Variants in DLG2 observed in about 807,000 individuals in gnomAD.
DLG2 encodes discs large MAGUK scaffold protein 2, also known as disks large homolog 2.
Under a neutral mutation model 132.5 loss-of-function variants are expected in DLG2, and 45 were observed. The observed-to-expected ratio is 0.34, with a 90% CI of 0.27 to 0.44. The LOEUF (loss-of-function observed/expected upper bound fraction) is 0.44, where lower values mean the gene tolerates loss of function less well. Among genes scored for constraint, DLG2 ranks in the 20% least tolerant of loss-of-function variants. The pLI, the probability that DLG2 is intolerant of heterozygous loss-of-function variation, is 1.00. For synonymous variants in DLG2, 424 were observed against 419.6 expected, an observed-to-expected ratio of 1.01 and a Z score of -0.13; for missense variants, 1,045 against 1,196.9, an observed-to-expected ratio of 0.87 and a Z score of 1.87.
At chr11:83,589,345 T>C (rs1276200927) in intron 19 of DLG2, among the ~76,000 whole-genome samples, 2 of 144,898 alleles carry the variant, frequency 1.4e-5, no homozygotes, top group Non-Finnish European at 3.1e-5. Flanking sequence ...TCAACATTCT[T>C]AAAGAAAAGA....
At chr11:83,524,690 T>C (rs1273161703) in intron 21 of DLG2, among the ~76,000 whole-genome samples, 2 of 152,214 alleles carry the variant, frequency 1.3e-5, no homozygotes, top group Non-Finnish European at 2.9e-5. Context: ...TTCTCTGCGT[T>C]ATCTCTGGAC....
intron 6 of DLG2, among the ~76,000 whole-genome samples, chr11:84,943,630 CTT>C (rs2049790509): frequency 6.6e-6 from 1 of 152,152 alleles, no homozygotes; most frequent in African/African-American, 2.4e-5. Flanking sequence ...AAACTCAACA[CTT>C]TAACTTCATC....
intron 7 of DLG2, among the ~76,000 whole-genome samples, chr11:84,310,648 T>G (rs1219122087): frequency 6.6e-6 from 1 of 152,192 alleles, no homozygotes. Context: ...ACTTGCTCTC[T>G]TCTGTTTCCC....
At chr11:85,410,675 C>A (rs577632918) in intron 3 of DLG2, among the ~76,000 whole-genome samples, 1 of 151,712 alleles carries the variant, frequency 6.6e-6, no homozygotes, top group African/African-American at 2.4e-5. Context: ...CTTTGCTAAA[C>A]GCTGAAAATG....
intron 3 of DLG2, among the ~76,000 whole-genome samples, chr11:85,436,442 G>A (rs574982665): frequency 7.9e-5 from 12 of 151,822 alleles, no homozygotes; most frequent in Non-Finnish European, 1.5e-4. Flanking sequence ...GAATGTACAA[G>A]GAACTTAAAC....
intron 7 of DLG2, among the ~76,000 whole-genome samples, chr11:84,391,702 A>C (rs1171110013): frequency 6.6e-6 from 1 of 152,102 alleles, no homozygotes; most frequent in African/African-American, 2.4e-5. Context: ...TTCTTAATGG[A>C]AAGCAAACAA....
At position 84,660,742 on chromosome 11, in the gene DLG2, A is replaced by T. The variant is rs535732348; in HGVS notation, c.358-126011T>A. Among the ~76,000 whole-genome samples, 18 of 152,314 alleles carry T rather than the reference A, an allele frequency of 1.2e-4. No homozygotes were observed. In the South Asian group the frequency reaches 2.9e-3, roughly 25 times the overall value. The stretch of plus-strand genomic sequence containing the variant: ...TCAGCAGTGTTGAATATGAAGAGAT[A>T]TATAAATATACACATTGACCCAAGC... On this transcript the variant is annotated intron_variant, in intron 6 of 27. Coordinates refer to ENST00000376104, the MANE Select transcript of DLG2 (RefSeq NM_001142699.3).
intron 7 of DLG2, among the ~76,000 whole-genome samples, chr11:84,271,401 C>G (rs1203589632): frequency 6.6e-6 from 1 of 152,178 alleles, no homozygotes; most frequent in African/African-American, 2.4e-5. Flanking sequence ...CCAAGGTTAA[C>G]TGGACACATA....
intron 19 of DLG2, among the ~76,000 whole-genome samples, chr11:83,603,681 G>A (rs1476246347): frequency 1.3e-5 from 2 of 152,142 alleles, no homozygotes; most frequent in African/African-American, 4.8e-5. Context: ...TATCAGTTTA[G>A]TAAATGTGAG....
At chr11:83,618,608 C>T (rs1471694939) in intron 19 of DLG2, among the ~76,000 whole-genome samples, 2 of 152,126 alleles carry the variant, frequency 1.3e-5, no homozygotes, top group Admixed American at 6.5e-5. Flanking sequence ...AGTGGCCAAG[C>T]CAGGATTTAA....
At chr11:85,479,794 G>A (rs1241494430) in intron 3 of DLG2, among the ~76,000 whole-genome samples, 1 of 152,190 alleles carries the variant, frequency 6.6e-6, no homozygotes, top group African/African-American at 2.4e-5. Flanking sequence ...CCTGAGAGTT[G>A]TGAGGAAAGG....
chr11:84,112,758 A>T (rs1366408076), intron 9 of DLG2, among the ~76,000 whole-genome samples: 1 of 152,138 alleles, frequency 6.6e-6, no homozygotes, highest in African/African-American at 2.4e-5. Context: ...GGCAAGAGGG[A>T]TGGGAATGGA....
At chr11:85,220,637 A>ATAT (rs1554992641) in intron 4 of DLG2, among the ~76,000 whole-genome samples, 6 of 148,262 alleles carry the variant, frequency 4.0e-5, no homozygotes, top group African/African-American at 1.5e-4. Context: ...TAGAAAAAAA[A>ATAT]ATATATATAT....
At chr11:84,502,234 CCTTCCTTCCT>C (rs2099213561) in intron 7 of DLG2, among the ~76,000 whole-genome samples, 1 of 27,194 alleles carries the variant, frequency 3.7e-5, no homozygotes, top group Non-Finnish European at 6.5e-5. Flanking sequence ...TTCCTTCCTT[CCTTCCTTCCT>C]TCCTTCCTTC....
At chr11:85,377,588 A>G (rs1009334568) in intron 3 of DLG2, among the ~76,000 whole-genome samples, 5 of 152,140 alleles carry the variant, frequency 3.3e-5, no homozygotes, top group African/African-American at 1.2e-4. Flanking sequence ...CTAGGGATAT[A>G]GCGGTTAAAA....
At chr11:85,604,806 A>C (rs1162555636) in intron 2 of DLG2, among the ~76,000 whole-genome samples, 1 of 152,218 alleles carries the variant, frequency 6.6e-6, no homozygotes, top group African/African-American at 2.4e-5. Context: ...ATTAAGGTTC[A>C]ACTCTATATT....
At chr11:83,682,556 TC>T (rs2079010680) in intron 18 of DLG2, 1 of 615,398 alleles carries the variant, frequency 1.6e-6, no homozygotes, top group South Asian at 7.2e-5. Context: ...TTAAGGTGGA[TC>T]CACCCAGCTC....
intron 7 of DLG2, among the ~76,000 whole-genome samples, chr11:84,511,235 A>G (rs1042151123): frequency 2.0e-5 from 3 of 152,078 alleles, no homozygotes; most frequent in Admixed American, 1.3e-4. Flanking sequence ...TTTGTCTTTC[A>G]TAATATTTTA....
chr11:85,587,834 G>T (rs923218637), intron 3 of DLG2, among the ~76,000 whole-genome samples: 1 of 152,108 alleles, frequency 6.6e-6, no homozygotes, highest in African/African-American at 2.4e-5. Flanking sequence ...GGTGTATTTC[G>T]AGGTTTTGTT....
Sources: gnomAD v4.1 joint callset for allele counts (sites outside exome capture counted in the v4.1 genomes callset) on GRCh38, gnomAD v4.1.1 for gene constraint, MANE v1.5 for transcripts, NCBI Gene and HGNC (gene_info 2026-07-23, HGNC 2026-07-21) for gene names.